Variants in CENPU observed in about 807,000 individuals in gnomAD.
The protein encoded by CENPU is KSHV latent nuclear antigen interacting protein 1.
A neutral mutation model predicts 56.7 loss-of-function variants in CENPU; 46 were observed. The observed-to-expected ratio is 0.81, with a 90% confidence interval of 0.64 to 1.04. The LOEUF (loss-of-function observed/expected upper bound fraction) is 1.04. CENPU is among the 50% of genes least tolerant of loss of function. CENPU has a pLI of 0.00. For synonymous variants in CENPU, 166 were observed against 163.0 expected (o/e 1.02, Z -0.14); for missense variants, 510 against 490.1 (o/e 1.04, Z -0.38).
At chr4:184,730,107 C>G (rs1761587269) in intron 2 of CENPU, among the ~76,000 whole-genome samples, 1 of 152,170 alleles carries the variant, frequency 6.6e-6, no homozygotes, top group African/African-American at 2.4e-5. Context: ...GAGGGAAGGA[C>G]AGGAAAGCTG....
At chr4:184,724,378 A>T (rs1393375461) in intron 4 of CENPU, among the ~76,000 whole-genome samples, 1 of 148,070 alleles carries the variant, frequency 6.8e-6, no homozygotes, top group African/African-American at 2.5e-5. Flanking sequence ...CCTAAGTCAA[A>T]GAGCTGCTCT....
intron 7 of CENPU, 58 bp from the exon 8 acceptor site, chr4:184,710,238 G>A: frequency 1.8e-6 from 2 of 1,122,586 alleles, no homozygotes; most frequent in African/African-American, 1.6e-5. Flanking sequence ...GTAGGTCCAG[G>A]GTTCTGAAAG....
chr4:184,712,972 C>A lies in CENPU; in HGVS notation c.660G>T (p.Lys220Asn). The stretch of plus-strand genomic sequence containing the variant: ...AGCCTATGGCTTTACTTCTTGATTT[C>A]TTCCTTTTGTCATGAGATATCTTCC... Reference protein sequence around the residue: ...KKGKISHDKRKKSRSKAIGSD... With the variant: ...KKGKISHDKRNKSRSKAIGSD... The change falls in exon 7 of 13, where the codon AAG (lysine) becomes AAT (asparagine). Residue 220 changes from lysine (K) to asparagine (N), a missense_variant. Coordinates refer to ENST00000281453, the MANE Select transcript of CENPU (RefSeq NM_024629.4). The A allele has an allele frequency of 6.3e-7, 1 of 1,592,890 alleles. No individual in the cohort carries two copies.
rs371450780 is a variant in CENPU, at chr4:184,695,427, G to A, written c.1144-26C>T. The A allele has an allele frequency of 3.3e-6, 5 of 1,521,080 alleles. No homozygotes were observed. In the Admixed American group the frequency reaches 5.0e-5, roughly 15 times the overall value. 94.2% of individuals were successfully genotyped at this position (1,521,080 alleles called of 1,614,324 possible). ...CTGTTGAAAGAAAATTATATAATTA[G>A]CAATATCAAAAACTCATAACCTTGT... On this transcript the variant is annotated intron_variant, in intron 12 of 12. Coordinates refer to ENST00000281453, the MANE Select transcript of CENPU (RefSeq NM_024629.4).
chr4:184,711,152 G>A (rs1760911141), intron 7 of CENPU, among the ~76,000 whole-genome samples: 1 of 152,038 alleles, frequency 6.6e-6, no homozygotes, highest in Admixed American at 6.5e-5. Flanking sequence ...ACCATGCCCG[G>A]CCCCCAATTT....
chr4:184,694,938 T>A lies in CENPU; in HGVS notation c.*350A>T. On this transcript the variant is annotated 3_prime_UTR_variant, in exon 13 of 13. Coordinates refer to ENST00000281453, the MANE Select transcript of CENPU (RefSeq NM_024629.4). ...TCTGTAAACCAATTTCATTAAAAATTAGCTTTGGTGTAAATTCAGGAGAAA... is the reference window on the plus strand; with the variant it reads ...TCTGTAAACCAATTTCATTAAAAATAAGCTTTGGTGTAAATTCAGGAGAAA... 1 of 617,512 alleles carries A rather than the reference T, an allele frequency of 1.6e-6. No individual in the cohort carries two copies. The highest frequency in any genetic ancestry group is 2.7e-6 in the Non-Finnish European group (1 of 365,696). The allele number at this position is 617,512 out of a possible 1,614,324, so 38.3% of individuals were successfully genotyped here.
intron 1 of CENPU, chr4:184,733,374 C>G: frequency 1.0e-6 from 1 of 989,768 alleles, no homozygotes. Context: ...TGGCTTTGTG[C>G]ACCGTCTGCA....
At chr4:184,723,618 C>T (rs946155386) in intron 4 of CENPU, among the ~76,000 whole-genome samples, 11 of 151,802 alleles carry the variant, frequency 7.2e-5, no homozygotes, top group Admixed American at 3.3e-4. Flanking sequence ...CCAAGGCGGG[C>T]GGATCACGAG....
At chr4:184,703,969 TA>T (rs141868648) in intron 8 of CENPU, among the ~76,000 whole-genome samples, 27,117 of 152,196 alleles carry the variant, frequency 0.18, 2,717 homozygotes, top group African/African-American at 0.26. Context: ...GATGCTGGTG[TA>T]AACAAACCTA....
chr4:184,700,967 G>A (rs1436447856), intron 10 of CENPU, 86 bp from the exon 11 acceptor site: 10 of 1,088,528 alleles, frequency 9.2e-6, no homozygotes, highest in Admixed American at 7.3e-5. Flanking sequence ...AAGTGCAGTG[G>A]AAAACAAGAC....
chr4:184,698,570 C>A (rs1234080321), intron 11 of CENPU, among the ~76,000 whole-genome samples: 1 of 152,128 alleles, frequency 6.6e-6, no homozygotes. Flanking sequence ...CCTGCCTCAG[C>A]CTCTCGAGTA....
chr4:184,733,039 G>A (rs1300702386), intron 1 of CENPU, among the ~76,000 whole-genome samples: 1 of 151,668 alleles, frequency 6.6e-6, no homozygotes, highest in Non-Finnish European at 1.5e-5. Flanking sequence ...TGTTTTGGGA[G>A]GAGGCATGAA....
chr4:184,710,782 A>G (rs903821948), intron 7 of CENPU, among the ~76,000 whole-genome samples: 2 of 152,342 alleles, frequency 1.3e-5, no homozygotes, highest in South Asian at 2.1e-4. Flanking sequence ...CTGTGAATGC[A>G]TTTACAAAAA....
intron 8 of CENPU, among the ~76,000 whole-genome samples, chr4:184,708,470 AT>A (rs1359249871): frequency 5.3e-5 from 8 of 151,914 alleles, no homozygotes; most frequent in Admixed American, 1.3e-4. Flanking sequence ...GAATAAAAAA[AT>A]AAAAAATTAA....
chr4:184,699,666 CTCTT>C, intron 11 of CENPU: 2 of 1,227,118 alleles, frequency 1.6e-6, no homozygotes, highest in Non-Finnish European at 2.1e-6. Context: ...GTGGCAGTCT[CTCTT>C]TTTTTTTTGA....
chr4:184,717,113 G>A, intron 5 of CENPU, 23 bp downstream of exon 5: 2 of 1,521,112 alleles, frequency 1.3e-6, no homozygotes, highest in Non-Finnish European at 1.8e-6. Flanking sequence ...AATTAAAGTA[G>A]AAGAGTGAAT....
In CENPU at chr4:184,694,318, G is replaced by C; in HGVS notation, c.*970C>G. The C allele has an allele frequency of 7.5e-7, 1 of 1,334,112 alleles. No homozygotes were observed. Among genetic ancestry groups the C allele is most frequent in the Non-Finnish European group, 9.6e-7 (1 of 1,041,296 alleles). 82.6% of individuals were successfully genotyped at this position (1,334,112 alleles called of 1,614,324 possible). A position where few individuals can be genotyped will look rare whatever the true frequency, so the allele number is the denominator to read the frequency against. ...GGTAATTTCAAATTTGGAGTTTCAA[G>C]TGTGTCTGAGCTTCAGTGCAGCAAC... is the stretch of plus-strand genomic sequence containing the variant. On this transcript the variant is annotated 3_prime_UTR_variant, in exon 13 of 13. Coordinates refer to ENST00000281453, the MANE Select transcript of CENPU (RefSeq NM_024629.4).
At chr4:184,695,844 A>G (rs1760273735) in intron 12 of CENPU, among the ~76,000 whole-genome samples, 1 of 152,216 alleles carries the variant, frequency 6.6e-6, no homozygotes, top group South Asian at 2.1e-4. Context: ...CCAGATCCAT[A>G]AAAGTTCTTA....
At chr4:184,701,773 T>A (rs1318077671) in intron 10 of CENPU, among the ~76,000 whole-genome samples, 6 of 152,160 alleles carry the variant, frequency 3.9e-5, no homozygotes, top group Non-Finnish European at 7.3e-5. Context: ...ATGTAAGTGG[T>A]CATTTTGGAC....
Sources: gnomAD v4.1 joint callset for allele counts (sites outside exome capture counted in the v4.1 genomes callset) on GRCh38, gnomAD v4.1.1 for gene constraint, MANE v1.5 for transcripts, NCBI Gene and HGNC (gene_info 2026-07-23, HGNC 2026-07-21) for gene names.